The following DLG2 variants were observed in gnomAD, a reference collection of about 807,000 sequenced individuals.
The protein encoded by DLG2 is discs large MAGUK scaffold protein 2, also known as disks large homolog 2.
In DLG2, 45 loss-of-function variants were observed where a neutral mutation model predicts 132.5. The ratio of observed to expected loss-of-function variants is 0.34; its 90% CI spans 0.27 to 0.44. DLG2 has a LOEUF of 0.44. Ranked by LOEUF, DLG2 falls within the 20% of genes least tolerant of loss-of-function variation. The pLI is 1.00. For missense variants in DLG2, 1,045 were observed against 1,196.9 expected, an observed-to-expected ratio of 0.87 and a Z score of 1.87; for synonymous variants, 424 against 419.6, an observed-to-expected ratio of 1.01 and a Z score of -0.13.
intron 10 of DLG2, among the ~76,000 whole-genome samples, chr11:84,070,312 C>T (rs894813662): frequency 3.2e-4 from 48 of 152,274 alleles, no homozygotes; most frequent in African/African-American, 9.9e-4. Flanking sequence ...GTCTCTCAAA[C>T]GTTCAACCAA....
At chr11:85,304,575 C>A (rs1227555334) in intron 3 of DLG2, among the ~76,000 whole-genome samples, 1 of 152,050 alleles carries the variant, frequency 6.6e-6, no homozygotes, top group African/African-American at 2.4e-5. Flanking sequence ...ATATGATGCT[C>A]AAACTAAGTA....
At chr11:84,317,393 T>C in intron 7 of DLG2, 1 of 1,346,848 alleles carries the variant, frequency 7.4e-7, no homozygotes, top group Non-Finnish European at 9.6e-7. Flanking sequence ...AACTTGACAG[T>C]ATCCCTGCTC....
At chr11:83,594,894 C>G (rs1332477282) in intron 19 of DLG2, among the ~76,000 whole-genome samples, 1 of 152,176 alleles carries the variant, frequency 6.6e-6, no homozygotes, top group Non-Finnish European at 1.5e-5. Flanking sequence ...CTCCATACAG[C>G]TGAGCTGAGT....
intron 7 of DLG2, among the ~76,000 whole-genome samples, chr11:84,262,821 T>A (rs2097564782): frequency 6.6e-6 from 1 of 152,202 alleles, no homozygotes; most frequent in Non-Finnish European, 1.5e-5. Context: ...AATAATAGTC[T>A]ACTGTCTCAT....
rs12271929 is a variant in DLG2 at position 84,655,867 on chromosome 11, G to A, written c.358-121136C>T. ...GGCCTTTTCATCCACCCATGCAAATGTTTCATTAGCCTGTGCTCAAGTATT... is the reference window on the plus strand; with the variant it reads ...GGCCTTTTCATCCACCCATGCAAATATTTCATTAGCCTGTGCTCAAGTATT... On this transcript the variant is annotated intron_variant, in intron 6 of 27. Coordinates refer to ENST00000376104, the MANE Select transcript of DLG2 (RefSeq NM_001142699.3). Among the ~76,000 whole-genome samples, 548 of 151,914 alleles carry A rather than the reference G, an allele frequency of 3.6e-3. 3 individuals are homozygous for A. The highest frequency in any genetic ancestry group is 0.013 in the African/African-American group (521 of 41,434).
intron 18 of DLG2, among the ~76,000 whole-genome samples, chr11:83,678,439 T>C (rs539198349): frequency 6.6e-6 from 1 of 152,200 alleles, no homozygotes; most frequent in Non-Finnish European, 1.5e-5. Flanking sequence ...AGTTTCTTCC[T>C]GCACTACAAA....
intron 6 of DLG2, among the ~76,000 whole-genome samples, chr11:84,924,032 T>G (rs1193649517): frequency 1.3e-5 from 2 of 151,824 alleles, no homozygotes; most frequent in Non-Finnish European, 2.9e-5. Flanking sequence ...TGTAAAATGT[T>G]CAGCAGGCTC....
At chr11:85,241,280 T>C (rs2075864120) in intron 4 of DLG2, among the ~76,000 whole-genome samples, 1 of 151,900 alleles carries the variant, frequency 6.6e-6, no homozygotes, top group Non-Finnish European at 1.5e-5. Context: ...TTTCTATTAA[T>C]TTGTTTATAG....
intron 6 of DLG2, among the ~76,000 whole-genome samples, chr11:85,005,806 G>A (rs1030804103): frequency 7.2e-5 from 11 of 151,996 alleles, no homozygotes; most frequent in Admixed American, 1.3e-4. Context: ...GTCTTGTGCC[G>A]GATTTCAAAG....
chr11:83,617,071 T>C (rs972783240), intron 19 of DLG2, among the ~76,000 whole-genome samples: 4 of 152,224 alleles, frequency 2.6e-5, no homozygotes, highest in African/African-American at 4.8e-5. Context: ...TAACATCATA[T>C]AATGTAAATT....
chr11:84,448,645 T>G (rs1004006231), intron 7 of DLG2, among the ~76,000 whole-genome samples: 2 of 151,948 alleles, frequency 1.3e-5, no homozygotes, highest in African/African-American at 2.4e-5. Flanking sequence ...TCTATGAAAA[T>G]TTTTCCAGAT....
chr11:85,272,497 C>G (rs2077598675), intron 4 of DLG2, among the ~76,000 whole-genome samples: 1 of 152,128 alleles, frequency 6.6e-6, no homozygotes, highest in Non-Finnish European at 1.5e-5. Flanking sequence ...AATTCCTTCT[C>G]CAGAACAGTT....
At chr11:85,375,163 T>C (rs2085306627) in intron 3 of DLG2, among the ~76,000 whole-genome samples, 1 of 152,120 alleles carries the variant, frequency 6.6e-6, no homozygotes, top group South Asian at 2.1e-4. Flanking sequence ...GTTGTAATGA[T>C]ACTGGATATA....
chr11:83,504,126 T>A (rs1592021597), intron 21 of DLG2, among the ~76,000 whole-genome samples: 1 of 152,172 alleles, frequency 6.6e-6, no homozygotes, highest in African/African-American at 2.4e-5. Flanking sequence ...AACATGTTTT[T>A]AACAAAAGAA....
chr11:85,584,650 C>T (rs899589983), intron 3 of DLG2, among the ~76,000 whole-genome samples: 1 of 152,128 alleles, frequency 6.6e-6, no homozygotes, highest in Non-Finnish European at 1.5e-5. Flanking sequence ...TCCCTTTTCA[C>T]CACATCCATG....
intron 10 of DLG2, among the ~76,000 whole-genome samples, chr11:84,064,813 C>G (rs183612966): frequency 7.2e-5 from 11 of 152,088 alleles, no homozygotes; most frequent in African/African-American, 2.2e-4. Context: ...ATGGGATTTT[C>G]AGGAAGAAAA....
At chr11:83,737,668 A>G (rs754324352) in intron 18 of DLG2, among the ~76,000 whole-genome samples, 1 of 152,210 alleles carries the variant, frequency 6.6e-6, no homozygotes, top group Non-Finnish European at 1.5e-5. Flanking sequence ...AGAAACAATA[A>G]ATAGGCCGGG....
chr11:84,605,551 C>G (rs1288064564), intron 6 of DLG2, among the ~76,000 whole-genome samples: 4 of 149,538 alleles, frequency 2.7e-5, no homozygotes, highest in African/African-American at 9.9e-5. Flanking sequence ...TATAAGCATC[C>G]ATTTATGAGG....
chr11:84,506,942 T>G (rs962675488), intron 7 of DLG2, among the ~76,000 whole-genome samples: 2 of 152,210 alleles, frequency 1.3e-5, no homozygotes, highest in African/African-American at 4.8e-5. Flanking sequence ...AAGGTATTAG[T>G]TGGCTAAGGT....
Sources: allele counts gnomAD v4.1 joint callset (sites outside exome capture counted in the v4.1 genomes callset), GRCh38; gene constraint gnomAD v4.1.1; transcripts MANE v1.5; gene names NCBI Gene and HGNC (gene_info 2026-07-23, HGNC 2026-07-21).